Variants in MYO16 observed in about 807,000 individuals in gnomAD.
The protein encoded by MYO16 is unconventional myosin-XVI.
A neutral mutation model predicts 205.3 loss-of-function variants in MYO16; 94 were observed. The observed-to-expected ratio is 0.46, with a 90% CI of 0.39 to 0.54. The LOEUF is 0.54. Among genes scored for constraint, MYO16 ranks in the 20% least tolerant of loss-of-function variants. The probability of loss-of-function intolerance (pLI) is 0.00; values close to 1 mark genes in which losing one functional copy is unlikely to be tolerated. For missense variants in MYO16, 2,315 were observed against 2,387.5 expected (o/e 0.97, Z 0.63); for synonymous variants, 988 against 954.0 (o/e 1.04, Z -0.66).
At position 109,127,392 on chromosome 13, in the gene MYO16, C is replaced by T. The variant is rs1317771586; in HGVS notation, c.3893C>T (p.Ser1298Leu). 7.4e-6 allele frequency: 12 copies of T among 1,613,826 alleles called. No homozygotes were observed. The highest frequency in any genetic ancestry group is 3.3e-5 in the South Asian group (3 of 91,020). The change falls in exon 31 of 35, where the codon TCG becomes TTG. Residue 1298 changes from serine to leucine, a missense_variant. Physicochemically the swap from Ser to Leu is moderately radical, Grantham distance 145. This residue lies in a region of MYO16 where 1,097 missense variants were observed against 1,092.0 expected (regional missense o/e 1.00). Coordinates refer to ENST00000457511, the MANE Select transcript of MYO16 (RefSeq NM_001198950.3). The surrounding 1 kb of genome is among the most constrained non-coding windows in gnomAD (Gnocchi z 4.2). ...CLVGPSIWSPSLHSVFSMDDS... is the reference protein window; with the variant it reads ...CLVGPSIWSPLLHSVFSMDDS... ...GTTGGCCCGTCCATCTGGTCTCCTT[C>T]GCTGCACTCGGTGTTCAGCATGGAT...
At chr13:108,716,212 C>G (rs1883939353) in intron 3 of MYO16, among the ~76,000 whole-genome samples, 1 of 152,168 alleles carries the variant, frequency 6.6e-6, no homozygotes, top group Admixed American at 6.5e-5. Flanking sequence ...ATATAAGGGT[C>G]TCTTTGGGTG....
chr13:108,598,291 T>C (rs998031718), intron 1 of MYO16, among the ~76,000 whole-genome samples: 3 of 150,216 alleles, frequency 2.0e-5, no homozygotes, highest in Non-Finnish European at 4.4e-5. Flanking sequence ...TTTCCATAAA[T>C]AAACATTGTA....
rs1174723795 is a variant in MYO16 at position 109,141,374 on chromosome 13, A to T, written c.5162A>T (p.Glu1721Val). The change falls in exon 32 of 35, where the codon GAA (glutamate) becomes GTA (valine). Residue 1721 changes from glutamate to valine, a missense_variant and splice_region_variant. Glu to Val is a moderately radical substitution (Grantham distance 121, BLOSUM62 -2). Coordinates refer to ENST00000457511, the MANE Select transcript of MYO16 (RefSeq NM_001198950.3). The surrounding 1 kb of genome is among the most constrained non-coding windows in gnomAD (Gnocchi z 4.1). ...GCGGGAAGAAAAATCAGGGAAGCAGAAGGTAAGCGGAGCAGACATCCCCCC... is the reference window on the plus strand; with the variant it reads ...GCGGGAAGAAAAATCAGGGAAGCAGTAGGTAAGCGGAGCAGACATCCCCCC... ...SAAGRKIREA[E>V]GFETNMNISS... 8.6e-6 allele frequency: 13 copies of T among 1,509,892 alleles called. No individual in the cohort carries two copies. The highest frequency in any genetic ancestry group is 1.2e-5 in the Non-Finnish European group (13 of 1,130,010). 93.5% of individuals were successfully genotyped at this position (1,509,892 alleles called of 1,614,324 possible).
chr13:108,972,351 C>T (rs1213972818), intron 20 of MYO16, among the ~76,000 whole-genome samples: 4 of 17,444 alleles, frequency 2.3e-4, no homozygotes, highest in East Asian at 2.8e-3. Flanking sequence ...TATATATAGC[C>T]ATATATATAT....
chr13:108,852,291 C>T (rs570276831), intron 10 of MYO16, among the ~76,000 whole-genome samples: 57 of 152,276 alleles, frequency 3.7e-4, no homozygotes, highest in Admixed American at 8.5e-4. Flanking sequence ...AAACCTCTAG[C>T]ACAATGGCCA....
At chr13:108,780,903 G>A (rs1886280107) in intron 4 of MYO16, among the ~76,000 whole-genome samples, 1 of 152,186 alleles carries the variant, frequency 6.6e-6, no homozygotes, top group South Asian at 2.1e-4. Context: ...ACAGAAGAAT[G>A]AGTGACTCAT....
intron 1 of MYO16, among the ~76,000 whole-genome samples, chr13:108,656,234 T>G (rs1187703381): frequency 1.3e-5 from 2 of 152,192 alleles, no homozygotes; most frequent in Non-Finnish European, 2.9e-5. Context: ...TCCCCCATAC[T>G]ACTCTCGTGG....
intron 2 of MYO16, among the ~76,000 whole-genome samples, chr13:108,668,189 C>T (rs760646713): frequency 3.3e-5 from 5 of 152,192 alleles, no homozygotes; most frequent in African/African-American, 7.2e-5. Flanking sequence ...ATATAAGTTA[C>T]GTTTCCCCAA....
chr13:108,919,098 TG>T (rs1881629979), intron 16 of MYO16, among the ~76,000 whole-genome samples: 1 of 152,244 alleles, frequency 6.6e-6, no homozygotes, highest in African/African-American at 2.4e-5. Context: ...TTCAGAGTTT[TG>T]TTTCTGGCCC....
At chr13:108,724,633 C>T (rs1047459424) in intron 3 of MYO16, among the ~76,000 whole-genome samples, 2 of 151,846 alleles carry the variant, frequency 1.3e-5, no homozygotes, top group Admixed American at 6.6e-5. Flanking sequence ...AACTCTTTAG[C>T]GGTATTACGC....
chr13:108,754,690 T>G (rs554560549), intron 4 of MYO16, among the ~76,000 whole-genome samples: 2 of 152,330 alleles, frequency 1.3e-5, no homozygotes, highest in African/African-American at 4.8e-5. Flanking sequence ...GCTGTGTGGC[T>G]TTGGTAAATT....
At chr13:108,965,387 T>A (rs1046199985) in intron 20 of MYO16, among the ~76,000 whole-genome samples, 5 of 152,124 alleles carry the variant, frequency 3.3e-5, no homozygotes, top group African/African-American at 4.8e-5. Context: ...ATCATTTTGG[T>A]TCATATCCCT....
chr13:108,774,132 T>C (rs947669221), intron 4 of MYO16, among the ~76,000 whole-genome samples: 11 of 151,352 alleles, frequency 7.3e-5, no homozygotes, highest in Non-Finnish European at 3.0e-5. Context: ...TAAAATAAAA[T>C]GTGAGTATTA....
intron 10 of MYO16, 28 bp downstream of exon 10, chr13:108,844,521 C>A (rs1269604378): frequency 6.4e-7 from 1 of 1,555,710 alleles, no homozygotes; most frequent in East Asian, 2.3e-5. Flanking sequence ...GTGTGTCTAC[C>A]AGTACTTTTT....
chr13:109,001,658 G>C (rs901146910), intron 21 of MYO16, among the ~76,000 whole-genome samples: 3 of 152,160 alleles, frequency 2.0e-5, no homozygotes, highest in Non-Finnish European at 2.9e-5. Context: ...GGAAATCAGG[G>C]ATAACTGATT....
At chr13:108,651,825 T>C (rs1405511758) in intron 1 of MYO16, among the ~76,000 whole-genome samples, 1 of 152,238 alleles carries the variant, frequency 6.6e-6, no homozygotes, top group Admixed American at 6.5e-5. Flanking sequence ...GCATAGCGTC[T>C]ATATGTTGCA....
intron 7 of MYO16, 149 bp from the exon 8 acceptor site, chr13:108,820,188 A>C (rs1033864401): frequency 1.8e-6 from 1 of 549,092 alleles, no homozygotes; most frequent in Non-Finnish European, 3.2e-6. Context: ...TAGAAAAGGC[A>C]CTGGGAAAGG....
chr13:108,966,104 A>C (rs1371064370), intron 20 of MYO16, among the ~76,000 whole-genome samples: 1 of 152,196 alleles, frequency 6.6e-6, no homozygotes, highest in Non-Finnish European at 1.5e-5. Context: ...ACATTGATCA[A>C]CATATTCAAT....
At chr13:108,566,102 A>T in the MYO16 span, among the ~76,000 whole-genome samples, 9 of 151,972 alleles carry the variant, frequency 5.9e-5, no homozygotes, top group Non-Finnish European at 8.8e-5. Context: ...GAGTATGATT[A>T]GTATTAGTTC....
Sources: allele counts gnomAD v4.1 joint callset (sites outside exome capture counted in the v4.1 genomes callset), GRCh38; gene constraint gnomAD v4.1.1; regional missense constraint gnomAD v4.1.1; non-coding constraint Gnocchi (gnomAD v3.1); transcripts MANE v1.5; gene names NCBI Gene and HGNC (gene_info 2026-07-23, HGNC 2026-07-21).